Variants in TTBK2 observed in about 807,000 individuals in gnomAD.
TTBK2 encodes tau-tubulin kinase 2.
A neutral mutation model predicts 110.8 loss-of-function variants in TTBK2; 28 were observed. That is an observed-to-expected ratio of 0.25 (90% CI 0.19 to 0.35). The LOEUF (loss-of-function observed/expected upper bound fraction) is 0.35. TTBK2 is among the 10% of genes least tolerant of loss of function. The pLI, the probability that TTBK2 is intolerant of heterozygous loss-of-function variation, is 1.00. For synonymous variants in TTBK2, 532 were observed against 527.3 expected (o/e 1.01, Z -0.12); for missense variants, 1,369 against 1,500.3 (o/e 0.91, Z 1.45).
chr15:42,827,208 T>C (rs1892571097), intron 6 of TTBK2, among the ~76,000 whole-genome samples: 1 of 152,162 alleles, frequency 6.6e-6, no homozygotes, highest in Non-Finnish European at 1.5e-5. Context: ...AGAGTCTTAA[T>C]ACTGTGTGTA....
At chr15:42,909,345 A>G (rs138799190) in intron 1 of TTBK2, among the ~76,000 whole-genome samples, 1 of 152,174 alleles carries the variant, frequency 6.6e-6, no homozygotes, top group Non-Finnish European at 1.5e-5. Flanking sequence ...CCCACCTTCA[A>G]AGTCAGTAGT....
chr15:42,817,004 CA>C, intron 7 of TTBK2, 27 bp downstream of exon 7: 1 of 1,555,950 alleles, frequency 6.4e-7, no homozygotes, highest in Non-Finnish European at 8.8e-7. Context: ...CATACTTATA[CA>C]GATATGACTC....
intron 3 of TTBK2, among the ~76,000 whole-genome samples, chr15:42,853,369 C>T (rs1279874719): frequency 6.6e-6 from 1 of 152,080 alleles, no homozygotes; most frequent in Non-Finnish European, 1.5e-5. Context: ...CAAATTAATT[C>T]CCAAATATCT....
intron 3 of TTBK2, among the ~76,000 whole-genome samples, chr15:42,845,977 A>T (rs1893444398): frequency 6.6e-6 from 1 of 152,104 alleles, no homozygotes; most frequent in African/African-American, 2.4e-5. Flanking sequence ...ACATAGTATT[A>T]TAATCTTATA....
At position 42,745,226 on chromosome 15, in the gene TTBK2, T is replaced by G. The variant is rs1179525304; in HGVS notation, c.*569A>C. On this transcript the variant is annotated 3_prime_UTR_variant, in exon 15 of 15. Transcript: ENST00000267890. ...ACATACAAAATTTTAAAAAAAAATC[T>G]GAACTCCAGGGAGGGTACTAGGAAT... 1 of 156,342 alleles carries G rather than the reference T, an allele frequency of 6.4e-6. No individual in the cohort carries two copies. Among genetic ancestry groups the G allele is most frequent in the Admixed American group, 6.2e-5 (1 of 16,172 alleles). The allele number at this position is 156,342 out of a possible 1,614,324, so 9.7% of individuals were successfully genotyped here. A position where few individuals can be genotyped will look rare whatever the true frequency, so the allele number is the denominator to read the frequency against.
chr15:42,902,107 T>C (rs1418465557), intron 1 of TTBK2, among the ~76,000 whole-genome samples: 2 of 151,102 alleles, frequency 1.3e-5, no homozygotes, highest in South Asian at 4.2e-4. Context: ...TCCCAGCTAC[T>C]AGGGAGGCTG....
intron 13 of TTBK2, among the ~76,000 whole-genome samples, chr15:42,757,212 T>C (rs2061959899): frequency 6.6e-6 from 1 of 151,394 alleles, no homozygotes; most frequent in Non-Finnish European, 1.5e-5. Flanking sequence ...GCTCAAGCAA[T>C]CCCTCCACCT....
intron 4 of TTBK2, among the ~76,000 whole-genome samples, chr15:42,839,538 T>C (rs867041010): frequency 6.6e-6 from 1 of 152,248 alleles, no homozygotes; most frequent in Non-Finnish European, 1.5e-5. Flanking sequence ...CTTTCCACAG[T>C]AGCTGAACTA....
rs556934852 is a variant in TTBK2 at position 42,776,417 on chromosome 15, T to G, written c.1409+614A>C. On this transcript the variant is annotated intron_variant, in intron 12 of 14. Transcript: ENST00000267890. ...TGTCTTCTGTTATCAAAATTTGTTG[T>G]AGGGATAATGTGCCTCAAAACCATG... is the stretch of plus-strand genomic sequence containing the variant. 1.7e-4 allele frequency among the ~76,000 whole-genome samples: 26 copies of G among 152,370 alleles called. No individual in the cohort carries two copies. The East Asian group carries it at 5.0e-3, about 29-fold the overall frequency.
At chr15:42,756,415 C>G (rs2061947985) in intron 13 of TTBK2, among the ~76,000 whole-genome samples, 1 of 151,602 alleles carries the variant, frequency 6.6e-6, no homozygotes, top group East Asian at 2.0e-4. Flanking sequence ...GTGAAACCCT[C>G]TCTCTACTAA....
At chr15:42,889,825 C>T (rs1484152196) in intron 1 of TTBK2, among the ~76,000 whole-genome samples, 2 of 152,172 alleles carry the variant, frequency 1.3e-5, no homozygotes, top group Admixed American at 6.5e-5. Context: ...TAGGTTCCCA[C>T]GCCACCCCAA....
intron 13 of TTBK2, among the ~76,000 whole-genome samples, chr15:42,755,504 G>GA (rs111551374): frequency 0.06 from 9,169 of 151,750 alleles, 634 homozygotes; most frequent in African/African-American, 0.18. Flanking sequence ...TCCAGCCCAG[G>GA]AAAAAAAACA....
chr15:42,899,189 G>T (rs986671973), intron 1 of TTBK2, among the ~76,000 whole-genome samples: 3 of 151,802 alleles, frequency 2.0e-5, no homozygotes, highest in African/African-American at 7.3e-5. Flanking sequence ...TGTAGAGATG[G>T]GTTTTACTAT....
intron 1 of TTBK2, among the ~76,000 whole-genome samples, chr15:42,920,173 C>A (rs920939433): frequency 6.6e-6 from 1 of 152,176 alleles, no homozygotes; most frequent in Non-Finnish European, 1.5e-5. Context: ...AACGAAGCTT[C>A]GTGACCCTCC....
intron 2 of TTBK2, among the ~76,000 whole-genome samples, chr15:42,873,249 T>C (rs1336741234): frequency 6.6e-6 from 1 of 152,102 alleles, no homozygotes; most frequent in South Asian, 2.1e-4. Flanking sequence ...CTGGCCAACA[T>C]GGTGAAACCC....
rs1029704443 is a variant in TTBK2 at position 42,740,875 on chromosome 15, T to G, written c.*4920A>C. On this transcript the variant is annotated 3_prime_UTR_variant, in exon 15 of 15. Transcript: ENST00000267890. Reference sequence around the variant, plus strand: ...TGGCCTTGTTTTACTTTTTAAAATTTCTGTGAGCTGCTCTAGAAAACTAAA... The same window carrying G: ...TGGCCTTGTTTTACTTTTTAAAATTGCTGTGAGCTGCTCTAGAAAACTAAA... 9.9e-5 allele frequency: 15 copies of G among 152,262 alleles called. No individual in the cohort carries two copies. The highest frequency in any genetic ancestry group is 3.6e-4 in the African/African-American group (15 of 41,456). The allele number at this position is 152,262 out of a possible 1,614,324, so 9.4% of individuals were successfully genotyped here.
At chr15:42,805,454 G>A (rs10467975) in intron 9 of TTBK2, among the ~76,000 whole-genome samples, 19,824 of 152,136 alleles carry the variant, frequency 0.13, 1,580 homozygotes, top group Admixed American at 0.23. Context: ...GACAAGCAGT[G>A]TTATGAAACA....
At chr15:42,875,398 T>C (rs917624167) in intron 2 of TTBK2, among the ~76,000 whole-genome samples, 1 of 152,146 alleles carries the variant, frequency 6.6e-6, no homozygotes, top group Non-Finnish European at 1.5e-5. Context: ...ATATCATCCA[T>C]TCCTGCTCTT....
chr15:42,779,558 G>A (rs1338224803), intron 11 of TTBK2, among the ~76,000 whole-genome samples: 1 of 152,176 alleles, frequency 6.6e-6, no homozygotes, highest in South Asian at 2.1e-4. Flanking sequence ...AAGACATGAG[G>A]TAAAGGAACT....
Sources: allele counts gnomAD v4.1 joint callset (sites outside exome capture counted in the v4.1 genomes callset), GRCh38; gene constraint gnomAD v4.1.1; transcripts MANE v1.5; gene names NCBI Gene and HGNC (gene_info 2026-07-23, HGNC 2026-07-21).